Variants in FER observed in about 807,000 individuals in gnomAD.
The protein encoded by FER is tyrosine-protein kinase Fer.
A neutral mutation model predicts 111.0 loss-of-function variants in FER; 63 were observed. The ratio of observed to expected loss-of-function variants is 0.57; its 90% CI spans 0.46 to 0.70. FER has a LOEUF of 0.70. Among genes scored for constraint, FER ranks in the 30% least tolerant of loss-of-function variants. The probability of loss-of-function intolerance (pLI) is 0.00; values close to 1 mark genes in which losing one functional copy is unlikely to be tolerated. For missense variants in FER, 914 were observed against 954.0 expected (o/e 0.96, Z 0.55); for synonymous variants, 327 against 313.9 (o/e 1.04, Z -0.44).
At chr5:109,159,848 G>GT (rs1475416671) in intron 17 of FER, among the ~76,000 whole-genome samples, 2 of 152,164 alleles carry the variant, frequency 1.3e-5, no homozygotes, top group Non-Finnish European at 2.9e-5. Flanking sequence ...AAAATAGTCT[G>GT]TGGCAGCAGT....
intron 10 of FER, among the ~76,000 whole-genome samples, chr5:108,940,143 G>C (rs1298439679): frequency 1.3e-5 from 2 of 151,992 alleles, no homozygotes; most frequent in Non-Finnish European, 2.9e-5. Flanking sequence ...CCTTTAACCT[G>C]TTAAATTATT....
At chr5:108,750,759 T>C (rs534480067) in intron 1 of FER, among the ~76,000 whole-genome samples, 1 of 152,192 alleles carries the variant, frequency 6.6e-6, no homozygotes, top group Non-Finnish European at 1.5e-5. Context: ...TTCTCAACTA[T>C]TTTACTATGA....
chr5:108,792,092 G>C (rs1490024391), intron 2 of FER, among the ~76,000 whole-genome samples: 1 of 152,110 alleles, frequency 6.6e-6, no homozygotes, highest in Non-Finnish European at 1.5e-5. Context: ...TAGCTTTTTA[G>C]TAGGTTTTGA....
At chr5:108,779,999 C>T (rs991316161) in intron 2 of FER, among the ~76,000 whole-genome samples, 68 of 152,150 alleles carry the variant, frequency 4.5e-4, no homozygotes, top group Middle Eastern at 3.4e-3. Context: ...CATACATAAT[C>T]GAATATATTG....
intron 7 of FER, among the ~76,000 whole-genome samples, chr5:108,871,796 C>T (rs544896455): frequency 6.6e-6 from 1 of 151,634 alleles, no homozygotes; most frequent in East Asian, 1.9e-4. Context: ...AAAACCATGA[C>T]TTTATATGTA....
chr5:109,184,998 C>G (rs1301981386), intron 18 of FER, among the ~76,000 whole-genome samples: 2 of 152,120 alleles, frequency 1.3e-5, no homozygotes, highest in African/African-American at 2.4e-5. Flanking sequence ...ATCTTTAACA[C>G]CACTGTAAAT....
intron 17 of FER, among the ~76,000 whole-genome samples, chr5:109,130,376 A>G (rs916740824): frequency 2.0e-5 from 3 of 152,100 alleles, no homozygotes; most frequent in African/African-American, 7.2e-5. Flanking sequence ...AACACTTATT[A>G]AAGATGCCAT....
At chr5:108,793,519 C>T (rs866797990) in intron 2 of FER, among the ~76,000 whole-genome samples, 3 of 103,156 alleles carry the variant, frequency 2.9e-5, no homozygotes, top group Admixed American at 9.3e-5. Context: ...TTTGGCGGGG[C>T]GGGGGGGGTG....
intron 3 of FER, among the ~76,000 whole-genome samples, chr5:108,829,870 G>T (rs1218380038): frequency 6.6e-6 from 1 of 152,120 alleles, no homozygotes; most frequent in Non-Finnish European, 1.5e-5. Flanking sequence ...TATACATATA[G>T]ATAAATAATT....
chr5:109,179,656 T>C (rs1758070178), intron 17 of FER, among the ~76,000 whole-genome samples: 2 of 152,158 alleles, frequency 1.3e-5, no homozygotes, highest in South Asian at 4.1e-4. Flanking sequence ...GTACTAAACA[T>C]ACAAACTTCC....
intron 16 of FER, among the ~76,000 whole-genome samples, chr5:109,086,954 C>A (rs1777632233): frequency 6.7e-6 from 1 of 148,632 alleles, no homozygotes; most frequent in African/African-American, 2.5e-5. Flanking sequence ...TTCCCTTTGT[C>A]TGTGTCTAAT....
At chr5:109,011,846 T>C (rs944321520) in intron 13 of FER, among the ~76,000 whole-genome samples, 12 of 152,216 alleles carry the variant, frequency 7.9e-5, no homozygotes, top group Non-Finnish European at 1.8e-4. Context: ...TTTTCTTTGA[T>C]TGTGGAAATC....
chr5:108,862,612 A>C (rs1763638405), intron 5 of FER, among the ~76,000 whole-genome samples: 1 of 152,212 alleles, frequency 6.6e-6, no homozygotes, highest in African/African-American at 2.4e-5. Flanking sequence ...ATACCTTTTG[A>C]ACTGACAGTA....
chr5:109,097,608 C>T (rs1310354598), intron 16 of FER, among the ~76,000 whole-genome samples: 1 of 151,866 alleles, frequency 6.6e-6, no homozygotes, highest in Non-Finnish European at 1.5e-5. Context: ...ACAGGCTCTG[C>T]CTTCTAAAAT....
intron 17 of FER, among the ~76,000 whole-genome samples, chr5:109,117,021 C>A (rs993372545): frequency 6.6e-6 from 1 of 152,064 alleles, no homozygotes; most frequent in African/African-American, 2.4e-5. Flanking sequence ...ACAATTTGTC[C>A]AGGCTTTTAG....
chr5:109,076,978 CTTAT>C (rs1776417723), intron 16 of FER, among the ~76,000 whole-genome samples: 1 of 152,180 alleles, frequency 6.6e-6, no homozygotes, highest in African/African-American at 2.4e-5. Context: ...ACAGAGCTAA[CTTAT>C]TTATCACAGA....
At chr5:108,986,137 G>A (rs116592941) in intron 13 of FER, among the ~76,000 whole-genome samples, 1,610 of 152,220 alleles carry the variant, frequency 0.011, 32 homozygotes, top group African/African-American at 0.037. Context: ...ACTCTTGTAG[G>A]AGTAAGGTGG....
At chr5:108,824,087 A>G (rs1175453808) in intron 3 of FER, among the ~76,000 whole-genome samples, 1 of 151,912 alleles carries the variant, frequency 6.6e-6, no homozygotes, top group African/African-American at 2.4e-5. Context: ...AGTTGATTGT[A>G]TATGTGTGGG....
Position 109,186,332 on chromosome 5 carries a change from G to A in FER, c.2326+10G>A, listed in dbSNP as rs1455110178. The A allele has an allele frequency of 2.5e-6, 4 of 1,614,096 alleles. No homozygotes were observed. The highest frequency in any genetic ancestry group is 1.7e-5 in the Admixed American group (1 of 60,028). On this transcript the variant is annotated intron_variant, in intron 19 of 19. Transcript: ENST00000281092. The stretch of plus-strand genomic sequence containing the variant: ...GAGCAAGTAGAAAGAGGTGAGCCAA[G>A]TACATTCATTGTTAGTGTTCATGTC...
Sources: allele counts gnomAD v4.1 joint callset (sites outside exome capture counted in the v4.1 genomes callset), GRCh38; gene constraint gnomAD v4.1.1; transcripts MANE v1.5; gene names NCBI Gene and HGNC (gene_info 2026-07-23, HGNC 2026-07-21).